ACO1: variants seen among roughly 807,000 people sequenced by gnomAD.
ACO1 encodes the protein cytoplasmic aconitate hydratase.
ACO1 carries 78 observed loss-of-function variants against 105.1 expected under a neutral mutation model. The observed-to-expected ratio is 0.74, with a 90% CI of 0.62 to 0.90. The LOEUF (loss-of-function observed/expected upper bound fraction) is 0.90. Among genes scored for constraint, ACO1 ranks in the 40% least tolerant of loss-of-function variants. The probability of loss-of-function intolerance (pLI) is 0.00; values close to 1 mark genes in which losing one functional copy is unlikely to be tolerated. For synonymous variants in ACO1, 364 were observed against 397.4 expected (o/e 0.92, Z 1.00); for missense variants, 965 against 1,111.1 (o/e 0.87, Z 1.87).
In ACO1 at chr9:32,453,619, C is replaced by T. The variant is rs796178042; in HGVS notation, c.*3508C>T. 9.2e-5 allele frequency: 14 copies of T among 152,214 alleles called. 1 individual carries two copies. The highest frequency in any genetic ancestry group is 3.4e-4 in the African/African-American group (14 of 41,546). 9.4% of individuals were successfully genotyped at this position (152,214 alleles called of 1,614,324 possible). ...CGTAGAGATTTGTCTCCCAGTATTC[C>T]CTAGGGCAAAAATATTGGGAGTTCC... is the stretch of plus-strand genomic sequence containing the variant. On this transcript the variant is annotated 3_prime_UTR_variant, in exon 21 of 21. Transcript: ENST00000309951.
intron 4 of ACO1, among the ~76,000 whole-genome samples, chr9:32,411,419 G>GAAGC (rs1232674888): frequency 6.6e-6 from 1 of 152,144 alleles, no homozygotes; most frequent in African/African-American, 2.4e-5. Flanking sequence ...ACTAAATTTA[G>GAAGC]AAGCAACGAA....
intron 18 of ACO1, among the ~76,000 whole-genome samples, 183 bp from the exon 19 acceptor site, chr9:32,440,281 AG>A (rs1169842310): frequency 3.3e-5 from 5 of 152,070 alleles, no homozygotes; most frequent in South Asian, 4.2e-4. Context: ...AAAAAAAAAA[AG>A]AATACAAAAT....
intron 19 of ACO1, among the ~76,000 whole-genome samples, chr9:32,444,233 A>G (rs1822548843): frequency 6.6e-6 from 1 of 152,194 alleles, no homozygotes; most frequent in African/African-American, 2.4e-5. Context: ...ATTGATGGGC[A>G]TTTGGGTTGG....
chr9:32,445,621 T>A, intron 19 of ACO1: 1 of 278,304 alleles, frequency 3.6e-6, no homozygotes, highest in Non-Finnish European at 7.4e-6. Context: ...CCTTCAGTTC[T>A]GCTTTGATCT....
At chr9:32,434,426 AC>A (rs530578118) in intron 16 of ACO1, 132 bp from the exon 17 acceptor site, 286 of 1,016,836 alleles carry the variant, frequency 2.8e-4, no homozygotes, top group Non-Finnish European at 3.8e-4. Flanking sequence ...AAAAACTAGA[AC>A]ACTAGAATTT....
rs376675400 is a variant in ACO1, at chr9:32,450,095, G to A, written c.2654G>A (p.Arg885His). ...GGGGGCATCCTCAACTACATGATCC[G>A]CAAGATGGCCAAGTAGGAGACGTGC... ...LNGGILNYMI[R>H]KMAK The change falls in exon 21 of 21, where the codon CGC becomes CAC. Residue 885 changes from arginine (R) to histidine (H), a missense_variant. Physicochemically the swap from Arg to His is conservative, Grantham distance 29. Coordinates refer to ENST00000309951, the MANE Select transcript of ACO1 (RefSeq NM_002197.3). 4.3e-5 allele frequency: 70 copies of A among 1,613,400 alleles called. No homozygotes were observed. Among genetic ancestry groups the A allele is most frequent in the Middle Eastern group, 1.7e-4 (1 of 5,822 alleles).
intron 4 of ACO1, among the ~76,000 whole-genome samples, chr9:32,415,991 T>C (rs570052608): frequency 7.2e-5 from 11 of 152,122 alleles, no homozygotes; most frequent in Non-Finnish European, 1.3e-4. Context: ...CAGCCCATGT[T>C]AGGCAGTCTC....
chr9:32,389,800 CT>C (rs71916359), intron 1 of ACO1, among the ~76,000 whole-genome samples: 6 of 132,470 alleles, frequency 4.5e-5, no homozygotes, highest in South Asian at 2.4e-4. Flanking sequence ...TTCCTCTATA[CT>C]TTTTTTTTTT....
intron 8 of ACO1, among the ~76,000 whole-genome samples, chr9:32,422,827 A>G (rs769833405): frequency 4.6e-5 from 7 of 152,262 alleles, no homozygotes; most frequent in Non-Finnish European, 1.0e-4. Flanking sequence ...ATAAAGGATT[A>G]GAGATTGAGG....
At position 32,453,886 on chromosome 9, in the gene ACO1, G is replaced by C. The variant is rs190039155; in HGVS notation, c.*3775G>C. The stretch of plus-strand genomic sequence containing the variant: ...TCATTATGAACAAAGATTATATAAC[G>C]ATAGCTGATATTAAGTAAGTTTTAA... On this transcript the variant is annotated 3_prime_UTR_variant, in exon 21 of 21. Transcript: ENST00000309951. 6.6e-6 allele frequency: 1 copy of C among 152,314 alleles called. No individual in the cohort carries two copies. Among genetic ancestry groups the C allele is most frequent in the African/African-American group, 2.4e-5 (1 of 41,558 alleles). The allele number at this position is 152,314 out of a possible 1,614,324, so 9.4% of individuals were successfully genotyped here.
At chr9:32,390,317 C>A (rs1471967186) in intron 1 of ACO1, among the ~76,000 whole-genome samples, 1 of 152,252 alleles carries the variant, frequency 6.6e-6, no homozygotes, top group Non-Finnish European at 1.5e-5. Flanking sequence ...TATCCTGTTT[C>A]TCTACTTTGG....
chr9:32,399,966 G>GTTT (rs57615512), intron 1 of ACO1, among the ~76,000 whole-genome samples: 3,499 of 69,618 alleles, frequency 0.05, 772 homozygotes, highest in African/African-American at 0.12. Context: ...TTCTTTTTCT[G>GTTT]TTTTTTTTTT....
intron 1 of ACO1, among the ~76,000 whole-genome samples, chr9:32,389,942 C>T (rs1415126688): frequency 6.6e-6 from 1 of 151,962 alleles, no homozygotes; most frequent in Non-Finnish European, 1.5e-5. Context: ...GAATTACAGG[C>T]GTGCGCCACC....
chr9:32,416,473 G>C (rs1055439160), intron 4 of ACO1, among the ~76,000 whole-genome samples: 1 of 152,036 alleles, frequency 6.6e-6, no homozygotes, highest in African/African-American at 2.4e-5. Context: ...TCTTGCTCGG[G>C]CTGACTCACC....
Position 32,436,066 on chromosome 9 carries a change from C to G in ACO1, c.2100-184C>G, listed in dbSNP as rs778264744. 3.9e-6 allele frequency: 3 copies of G among 764,206 alleles called. No individual in the cohort carries two copies. In the South Asian group the frequency reaches 4.4e-5, roughly 11 times the overall value. 47.3% of individuals were successfully genotyped at this position (764,206 alleles called of 1,614,324 possible). ...TGCCTCTCACCACCCCTTCTCACCTCTCTCTCTTCTCCGTTGAAGCTTTGG... is the reference window on the plus strand; with the variant it reads ...TGCCTCTCACCACCCCTTCTCACCTGTCTCTCTTCTCCGTTGAAGCTTTGG... On this transcript the variant is annotated intron_variant, in intron 17 of 20. Transcript: ENST00000309951.
In ACO1 at chr9:32,449,070, G is replaced by A; in HGVS notation, c.2545G>A (p.Val849Ile). 1 of 1,605,600 alleles carries A rather than the reference G, an allele frequency of 6.2e-7. No individual in the cohort carries two copies. Among genetic ancestry groups the A allele is most frequent in the Non-Finnish European group, 8.5e-7 (1 of 1,174,388 alleles). Residue 849 changes from valine to isoleucine, a missense_variant, in exon 20 of 21, where the codon GTC becomes ATC. Val to Ile is a conservative substitution (Grantham distance 29, BLOSUM62 3). Coordinates refer to ENST00000309951, the MANE Select transcript of ACO1 (RefSeq NM_002197.3). The part of the protein sequence containing the change: ...IPENLKPQMK[V>I]QVKLDTGKTF... The stretch of plus-strand genomic sequence containing the variant: ...AGAAAACCTCAAACCACAAATGAAA[G>A]TCCAGGTCAAGGTAAGCTGGAGCCT...
At chr9:32,415,374 A>G (rs1821825873) in intron 4 of ACO1, among the ~76,000 whole-genome samples, 1 of 152,220 alleles carries the variant, frequency 6.6e-6, no homozygotes, top group Non-Finnish European at 1.5e-5. Context: ...TCTGGAATAA[A>G]TATCTTGATA....
chr9:32,422,460 T>C (rs1201767366), intron 8 of ACO1, among the ~76,000 whole-genome samples: 1 of 152,168 alleles, frequency 6.6e-6, no homozygotes, highest in Non-Finnish European at 1.5e-5. Flanking sequence ...ACAGTTCAGC[T>C]AAAACAAATA....
At chr9:32,447,644 C>T (rs1822648702) in intron 19 of ACO1, among the ~76,000 whole-genome samples, 1 of 152,112 alleles carries the variant, frequency 6.6e-6, no homozygotes, top group Non-Finnish European at 1.5e-5. Flanking sequence ...AGGAGAAGAG[C>T]CATTCTGGTT....
Sources: gnomAD v4.1 joint callset for allele counts (sites outside exome capture counted in the v4.1 genomes callset) on GRCh38, gnomAD v4.1.1 for gene constraint, MANE v1.5 for transcripts, NCBI Gene and HGNC (gene_info 2026-07-23, HGNC 2026-07-21) for gene names.